The following SCAPER variants were observed in gnomAD, a reference collection of about 807,000 sequenced individuals.
SCAPER encodes the protein S-phase cyclin A associated protein in the ER.
SCAPER carries 98 observed loss-of-function variants against 182.2 expected under a neutral mutation model. That is an observed-to-expected ratio of 0.54 (90% CI 0.46 to 0.64). SCAPER has a LOEUF of 0.64. Ranked by LOEUF, SCAPER falls within the 30% of genes least tolerant of loss-of-function variation. SCAPER has a pLI of 0.00. For synonymous variants in SCAPER, 605 were observed against 564.6 expected, an observed-to-expected ratio of 1.07 and a Z score of -1.01; for missense variants, 1,432 against 1,690.0, an observed-to-expected ratio of 0.85 and a Z score of 2.68.
At chr15:76,869,784 T>C (rs781191779) in intron 2 of SCAPER, among the ~76,000 whole-genome samples, 10 of 152,172 alleles carry the variant, frequency 6.6e-5, no homozygotes, top group African/African-American at 9.7e-5. Context: ...GAAACTAATA[T>C]ATCAAAAAGT....
At chr15:76,573,377 T>C (rs1353736917) in intron 23 of SCAPER, among the ~76,000 whole-genome samples, 2 of 151,920 alleles carry the variant, frequency 1.3e-5, no homozygotes, top group Non-Finnish European at 2.9e-5. Context: ...ATATCAAATA[T>C]TACATTACAA....
chr15:76,702,309 C>T (rs1156315473), intron 19 of SCAPER, among the ~76,000 whole-genome samples: 2 of 152,098 alleles, frequency 1.3e-5, no homozygotes, highest in African/African-American at 2.4e-5. Flanking sequence ...TGGGCTATCA[C>T]ATTAAGCAGG....
intron 24 of SCAPER, among the ~76,000 whole-genome samples, chr15:76,476,416 C>T (rs747320228): frequency 3.3e-5 from 5 of 151,512 alleles, no homozygotes; most frequent in Non-Finnish European, 5.9e-5. Context: ...CCCTTCCTTT[C>T]CTTTCTTTTC....
intron 13 of SCAPER, 122 bp from the exon 14 acceptor site, chr15:76,765,194 G>T: frequency 1.9e-6 from 2 of 1,029,704 alleles, no homozygotes; most frequent in East Asian, 2.6e-5. Context: ...AACATTTCGG[G>T]AAAGCTTTGT....
At chr15:76,524,717 T>TTTTTTTTTTTTTTA (rs1491471884) in intron 23 of SCAPER, among the ~76,000 whole-genome samples, 1 of 101,822 alleles carries the variant, frequency 9.8e-6, no homozygotes, top group Non-Finnish European at 2.1e-5. Flanking sequence ...TTTTTTTTTT[T>TTTTTTTTTTTTTTA]ACCATTCATG....
intron 10 of SCAPER, among the ~76,000 whole-genome samples, 177 bp downstream of exon 10, chr15:76,771,565 A>T (rs190745555): frequency 3.3e-5 from 5 of 152,156 alleles, no homozygotes; most frequent in African/African-American, 1.2e-4. Context: ...TCCTCTAAAA[A>T]ATAAGAATCT....
Position 76,376,371 on chromosome 15 carries a change from C to G in SCAPER, c.3706-60G>C. 2.6e-6 allele frequency: 4 copies of G among 1,518,394 alleles called. No homozygotes were observed. The South Asian group carries it at 5.1e-5, about 19-fold the overall frequency. 94.1% of individuals were successfully genotyped at this position (1,518,394 alleles called of 1,614,324 possible). ...CCCAGGGAGAGCCAGGGCTGCAAAT[C>G]ACAAAGCAAGACTGGCCCTGTGTAC... is the stretch of plus-strand genomic sequence containing the variant. On this transcript the variant is annotated intron_variant, in intron 28 of 31. Transcript: ENST00000563290.
chr15:76,614,219 G>A (rs925961016), intron 22 of SCAPER, among the ~76,000 whole-genome samples: 2 of 152,102 alleles, frequency 1.3e-5, no homozygotes, highest in Non-Finnish European at 2.9e-5. Context: ...ACACATAGAG[G>A]GGAACAACAT....
intron 20 of SCAPER, among the ~76,000 whole-genome samples, chr15:76,695,203 A>G (rs1348636022): frequency 1.3e-5 from 2 of 152,208 alleles, no homozygotes; most frequent in Non-Finnish European, 2.9e-5. Flanking sequence ...CTTGACTAAC[A>G]TAGCTAAAAA....
At chr15:76,400,388 C>T (rs1347480917) in intron 27 of SCAPER, among the ~76,000 whole-genome samples, 1 of 152,178 alleles carries the variant, frequency 6.6e-6, no homozygotes, top group Non-Finnish European at 1.5e-5. Flanking sequence ...TTAGACATGG[C>T]TATGACCTAT....
intron 20 of SCAPER, among the ~76,000 whole-genome samples, chr15:76,684,138 A>C (rs965687737): frequency 2.0e-5 from 3 of 152,210 alleles, no homozygotes; most frequent in Non-Finnish European, 4.4e-5. Context: ...GACCACCGAC[A>C]CTATAAAGCA....
chr15:76,686,433 T>A (rs2058042721), intron 20 of SCAPER, among the ~76,000 whole-genome samples: 1 of 152,104 alleles, frequency 6.6e-6, no homozygotes, highest in African/African-American at 2.4e-5. Flanking sequence ...AGAATGTAAA[T>A]CTATAACTCT....
At chr15:76,619,404 T>C (rs1216668721) in intron 22 of SCAPER, among the ~76,000 whole-genome samples, 1 of 152,222 alleles carries the variant, frequency 6.6e-6, no homozygotes, top group Non-Finnish European at 1.5e-5. Context: ...TATACAAGTC[T>C]TTATGTGGGC....
At chr15:76,903,604 A>C (rs2074918456) in intron 1 of SCAPER, among the ~76,000 whole-genome samples, 1 of 152,188 alleles carries the variant, frequency 6.6e-6, no homozygotes, top group Non-Finnish European at 1.5e-5. Context: ...AGACATCTTG[A>C]TCTAGGACTT....
intron 2 of SCAPER, among the ~76,000 whole-genome samples, chr15:76,873,252 C>T (rs1595863553): frequency 7.0e-6 from 1 of 143,758 alleles, no homozygotes; most frequent in Non-Finnish European, 1.5e-5. Context: ...CTCCATCTCC[C>T]GAAAAAGAAA....
chr15:76,388,328 C>T (rs1229211815), intron 27 of SCAPER, among the ~76,000 whole-genome samples: 2 of 152,072 alleles, frequency 1.3e-5, no homozygotes, highest in African/African-American at 2.4e-5. Context: ...TGGTGGTACA[C>T]GCCTATAGTC....
intron 25 of SCAPER, among the ~76,000 whole-genome samples, chr15:76,435,843 T>C (rs1190986714): frequency 6.6e-6 from 1 of 152,338 alleles, no homozygotes; most frequent in East Asian, 1.9e-4. Flanking sequence ...AAGTCTCTAA[T>C]TCCTAATACT....
chr15:76,503,873 A>C (rs2143800221), intron 24 of SCAPER, among the ~76,000 whole-genome samples: 1 of 152,222 alleles, frequency 6.6e-6, no homozygotes, highest in African/African-American at 2.4e-5. Flanking sequence ...CAATGGACAA[A>C]TGAAGCATTT....
At chr15:76,817,037 C>T (rs1166611945) in intron 5 of SCAPER, among the ~76,000 whole-genome samples, 1 of 152,158 alleles carries the variant, frequency 6.6e-6, no homozygotes, top group African/African-American at 2.4e-5. Context: ...CAACTGGTAG[C>T]ACCATAGGCT....
Sources: gnomAD v4.1 joint callset for allele counts (sites outside exome capture counted in the v4.1 genomes callset) on GRCh38, gnomAD v4.1.1 for gene constraint, MANE v1.5 for transcripts, NCBI Gene and HGNC (gene_info 2026-07-23, HGNC 2026-07-21) for gene names.